Variants in SNTG1 observed in about 807,000 individuals in gnomAD.
SNTG1 encodes the protein gamma-1-syntrophin.
SNTG1 carries 39 observed loss-of-function variants against 74.7 expected under a neutral mutation model. That is an observed-to-expected ratio of 0.52 (90% CI 0.40 to 0.68). The LOEUF is 0.68. Ranked by LOEUF, SNTG1 falls within the 30% of genes least tolerant of loss-of-function variation. The probability of loss-of-function intolerance (pLI) is 0.00; values close to 1 mark genes in which losing one functional copy is unlikely to be tolerated. For missense variants in SNTG1, 685 were observed against 609.5 expected (o/e 1.12, Z -1.30); for synonymous variants, 254 against 217.1 (o/e 1.17, Z -1.49).
At chr8:50,106,359 C>T (rs762753816) in intron 1 of SNTG1, among the ~76,000 whole-genome samples, 1 of 152,124 alleles carries the variant, frequency 6.6e-6, no homozygotes, top group Non-Finnish European at 1.5e-5. Context: ...CCAATCACTT[C>T]CCACCAAGTC....
intron 1 of SNTG1, among the ~76,000 whole-genome samples, chr8:50,107,561 TTTTTTTG>T (rs2080422029): frequency 7.0e-6 from 1 of 142,640 alleles, no homozygotes; most frequent in South Asian, 2.6e-4. Flanking sequence ...AGGTTTTTTG[TTTTTTTG>T]TTTTTTTTGT....
chr8:50,284,618 GA>G, intron 2 of SNTG1, among the ~76,000 whole-genome samples: 1 of 152,226 alleles, frequency 6.6e-6, no homozygotes, highest in Non-Finnish European at 1.5e-5. Flanking sequence ...CCTGTCCTCT[GA>G]AATCAGCCAT....
chr8:50,642,176 T>C (rs2095077683), intron 13 of SNTG1, among the ~76,000 whole-genome samples: 1 of 152,140 alleles, frequency 6.6e-6, no homozygotes, highest in Admixed American at 6.6e-5. Context: ...TTAACTTCCA[T>C]TTTTATTTCA....
chr8:50,726,326 T>C (rs1188993194), intron 17 of SNTG1, among the ~76,000 whole-genome samples: 1 of 152,200 alleles, frequency 6.6e-6, no homozygotes, highest in African/African-American at 2.4e-5. Flanking sequence ...TTTCAGCCAG[T>C]AGTGTGTTTT....
chr8:50,223,730 A>G (rs2132008659), intron 2 of SNTG1, among the ~76,000 whole-genome samples: 1 of 152,278 alleles, frequency 6.6e-6, no homozygotes, highest in South Asian at 2.1e-4. Flanking sequence ...AATAAAGTGC[A>G]TTTTCAAAAG....
chr8:50,257,485 T>C (rs112862323), intron 2 of SNTG1, among the ~76,000 whole-genome samples: 2,806 of 152,282 alleles, frequency 0.018, 75 homozygotes, highest in African/African-American at 0.054. Context: ...AGTGAAGTAG[T>C]GTTCTTTGAA....
At chr8:49,962,742 A>G (rs1193475164) in intron 1 of SNTG1, among the ~76,000 whole-genome samples, 3 of 152,106 alleles carry the variant, frequency 2.0e-5, no homozygotes, top group Admixed American at 6.6e-5. Flanking sequence ...TTACAGGTGC[A>G]TGCCCCACGC....
intron 13 of SNTG1, among the ~76,000 whole-genome samples, chr8:50,640,166 G>A (rs2095063366): frequency 6.6e-6 from 1 of 152,102 alleles, no homozygotes. Context: ...ACAGAAAGAC[G>A]GAAGTATGAC....
chr8:49,965,516 G>A (rs987619232), intron 1 of SNTG1, among the ~76,000 whole-genome samples: 5 of 152,114 alleles, frequency 3.3e-5, no homozygotes, highest in Non-Finnish European at 5.9e-5. Context: ...TTGGGCTTAT[G>A]AGTGGAAGCT....
At chr8:50,207,816 T>C (rs1175917441) in intron 2 of SNTG1, among the ~76,000 whole-genome samples, 2 of 152,174 alleles carry the variant, frequency 1.3e-5, no homozygotes, top group African/African-American at 2.4e-5. Context: ...CCTTCCTTTC[T>C]TTATGTACCC....
intron 13 of SNTG1, among the ~76,000 whole-genome samples, chr8:50,645,421 C>G (rs1208358972): frequency 6.6e-6 from 1 of 151,988 alleles, no homozygotes; most frequent in South Asian, 2.1e-4. Flanking sequence ...TCTGTCTGGT[C>G]CCTCCAAAAT....
chr8:50,209,399 T>C (rs1323784861), intron 2 of SNTG1, among the ~76,000 whole-genome samples: 2 of 152,116 alleles, frequency 1.3e-5, no homozygotes, highest in Admixed American at 1.3e-4. Flanking sequence ...GAGTTTGAGA[T>C]CTGAGAATGG....
At chr8:50,629,106 A>G (rs1017848755) in intron 13 of SNTG1, among the ~76,000 whole-genome samples, 1 of 152,142 alleles carries the variant, frequency 6.6e-6, no homozygotes, top group East Asian at 1.9e-4. Context: ...ATCAAAGGGT[A>G]TAAGCTTTCA....
At chr8:50,230,838 A>C (rs1351206773) in intron 2 of SNTG1, among the ~76,000 whole-genome samples, 1 of 32,306 alleles carries the variant, frequency 3.1e-5, no homozygotes, top group Non-Finnish European at 1.5e-4. Flanking sequence ...TGGTTTGGGT[A>C]ACTTTTTTTT....
chr8:50,385,333 C>T (rs550273634), intron 2 of SNTG1, among the ~76,000 whole-genome samples: 81 of 152,274 alleles, frequency 5.3e-4, no homozygotes, highest in African/African-American at 1.8e-3. Context: ...TAGGCATTGT[C>T]CCTCTTTTCT....
At chr8:50,568,918 T>A (rs915188607) in intron 12 of SNTG1, 14 of 152,236 alleles carry the variant, frequency 9.2e-5, no homozygotes, top group African/African-American at 2.9e-4. Context: ...CAAGTCCTGG[T>A]CATGGAGGGC....
At chr8:50,774,626 G>C (rs1445083875) in intron 18 of SNTG1, among the ~76,000 whole-genome samples, 1 of 151,638 alleles carries the variant, frequency 6.6e-6, no homozygotes, top group Non-Finnish European at 1.5e-5. Flanking sequence ...TACACACTTA[G>C]AAATAATAAA....
At chr8:49,913,350 C>T (rs1280685008) in intron 1 of SNTG1, among the ~76,000 whole-genome samples, 3 of 152,292 alleles carry the variant, frequency 2.0e-5, no homozygotes, top group South Asian at 2.1e-4. Flanking sequence ...TTGTGTGTAA[C>T]GATAGTAAAA....
intron 18 of SNTG1, among the ~76,000 whole-genome samples, chr8:50,783,274 T>G (rs1176677033): frequency 6.6e-6 from 1 of 152,182 alleles, no homozygotes; most frequent in Non-Finnish European, 1.5e-5. Flanking sequence ...GCTGTCTTTT[T>G]GTTTGTCTGT....
Sources: allele counts gnomAD v4.1 joint callset (sites outside exome capture counted in the v4.1 genomes callset), GRCh38; gene constraint gnomAD v4.1.1; transcripts MANE v1.5; gene names NCBI Gene and HGNC (gene_info 2026-07-23, HGNC 2026-07-21).